The following FAM177A1 variants were observed in gnomAD, a reference collection of about 807,000 sequenced individuals.
FAM177A1 encodes the protein protein FAM177A1.
Under a neutral mutation model 26.1 loss-of-function variants are expected in FAM177A1, and 22 were observed. The ratio of observed to expected loss-of-function variants is 0.84; its 90% CI spans 0.60 to 1.20. The LOEUF is 1.20. Ranked by LOEUF, FAM177A1 falls within the 50% of genes most tolerant of loss-of-function variation. The pLI is 0.00. For synonymous variants in FAM177A1, 95 were observed against 99.3 expected, an observed-to-expected ratio of 0.96 and a Z score of 0.26; for missense variants, 296 against 291.1, an observed-to-expected ratio of 1.02 and a Z score of -0.12.
intron 2 of FAM177A1, among the ~76,000 whole-genome samples, chr14:35,064,751 C>T (rs141273883): frequency 2.2e-4 from 33 of 151,966 alleles, no homozygotes; most frequent in African/African-American, 7.2e-4. Flanking sequence ...CCCAGGTTCA[C>T]ACCATTCTCC....
chr14:35,078,737 G>T (rs2045433741), intron 3 of FAM177A1, among the ~76,000 whole-genome samples, 190 bp from the exon 4 acceptor site: 1 of 152,184 alleles, frequency 6.6e-6, no homozygotes, highest in African/African-American at 2.4e-5. Flanking sequence ...GACTTGTTGG[G>T]AGTTTTGAAG....
chr14:35,069,627 A>G (rs962788625), intron 2 of FAM177A1, among the ~76,000 whole-genome samples: 1 of 152,146 alleles, frequency 6.6e-6, no homozygotes, highest in Non-Finnish European at 1.5e-5. Context: ...ACCTGGCTTC[A>G]CTTAATGTTA....
chr14:35,068,422 G>C (rs118162908), intron 2 of FAM177A1, among the ~76,000 whole-genome samples: 2 of 152,312 alleles, frequency 1.3e-5, no homozygotes, highest in East Asian at 3.9e-4. Flanking sequence ...ACTTTGGCAT[G>C]TATGCACTGT....
At chr14:35,053,510 C>G in intron 2 of FAM177A1, 59 bp downstream of exon 2, 1 of 1,545,328 alleles carries the variant, frequency 6.5e-7, no homozygotes, top group African/African-American at 1.4e-5. Context: ...TATTTTTTTT[C>G]CCTAAACATT....
intron 2 of FAM177A1, among the ~76,000 whole-genome samples, chr14:35,054,477 C>G (rs2045028314): frequency 6.6e-6 from 1 of 151,976 alleles, no homozygotes. Flanking sequence ...ATTTTAGGTG[C>G]CGGTGATATA....
At chr14:35,064,947 G>C (rs553464779) in intron 2 of FAM177A1, among the ~76,000 whole-genome samples, 55 of 152,086 alleles carry the variant, frequency 3.6e-4, no homozygotes, top group African/African-American at 1.3e-3. Context: ...CAGATTACAG[G>C]CGTGAGCCAC....
Position 35,046,524 on chromosome 14 carries a change from G to T in FAM177A1, c.61G>T (p.Ala21Ser). ...CACCAGCGCCAGCAGCCCTGTGGTG[G>T]CGACGACGATGGACCAGGAGCCAGT... ...FLTSASSPVV[A>S]TTMDQEPVGG... is the part of the protein sequence containing the mutation. Residue 21 changes from alanine to serine, a missense_variant, in exon 1 of 5, where the codon GCG becomes TCG. Ala to Ser is a moderately conservative substitution (Grantham distance 99). Transcript: ENST00000280987. The T allele has an allele frequency of 3.7e-6, 6 of 1,603,664 alleles. No homozygotes were observed. The highest frequency in any genetic ancestry group is 5.1e-6 in the Non-Finnish European group (6 of 1,176,592).
At chr14:35,076,866 CAT>C (rs1220185521) in intron 2 of FAM177A1, among the ~76,000 whole-genome samples, 2 of 152,242 alleles carry the variant, frequency 1.3e-5, no homozygotes, top group Non-Finnish European at 2.9e-5. Flanking sequence ...ATTGTCAACT[CAT>C]AAAATAATCC....
chr14:35,061,462 AT>A (rs35073054), intron 2 of FAM177A1, among the ~76,000 whole-genome samples: 27,113 of 111,294 alleles, frequency 0.24, 3,266 homozygotes, highest in Non-Finnish European at 0.33. Flanking sequence ...AGCTTTAAGT[AT>A]TTTTTTTTTT....
chr14:35,077,514 C>A (rs1261034481), intron 3 of FAM177A1, among the ~76,000 whole-genome samples: 1 of 115,650 alleles, frequency 8.6e-6, no homozygotes, highest in East Asian at 2.6e-4. Context: ...CTCGCTCTGT[C>A]GCCCAGGCCG....
At chr14:35,077,728 C>T (rs1312922804) in intron 3 of FAM177A1, among the ~76,000 whole-genome samples, 9 of 150,404 alleles carry the variant, frequency 6.0e-5, no homozygotes, top group Admixed American at 1.3e-4. Context: ...ATGATCCACC[C>T]GCCTCGGCCT....
chr14:35,045,266 C>T (rs2044843540), upstream of FAM177A1: 1 of 152,122 alleles, frequency 6.6e-6, no homozygotes, highest in South Asian at 2.1e-4. Context: ...TATGGATTTC[C>T]AACTAGTTTT....
intron 4 of FAM177A1, 103 bp from the exon 5 acceptor site, chr14:35,080,912 CTTTTTTT>C (rs71435851): frequency 1.0e-5 from 11 of 1,079,656 alleles, no homozygotes; most frequent in South Asian, 5.4e-5. Flanking sequence ...GAACATGACA[CTTTTTTT>C]TTTTTTTTTT....
At chr14:35,051,683 G>A (rs575724530) in intron 1 of FAM177A1, among the ~76,000 whole-genome samples, 1 of 152,286 alleles carries the variant, frequency 6.6e-6, no homozygotes, top group African/African-American at 2.4e-5. Flanking sequence ...AAAGTGCTAG[G>A]ATTACAGGTA....
At chr14:35,072,369 T>A (rs1352044006) in intron 2 of FAM177A1, among the ~76,000 whole-genome samples, 1 of 152,144 alleles carries the variant, frequency 6.6e-6, no homozygotes, top group Non-Finnish European at 1.5e-5. Context: ...ATCATCATCA[T>A]AAGTCTTCTT....
At position 35,078,915 on chromosome 14, in the gene FAM177A1, T is replaced by C. The variant is rs770321512; in HGVS notation, c.407-12T>C. Reference sequence around the variant, plus strand: ...TAGAATTATATAAGTCTTTTAACTTTTGTATTTTCAGTGTGTGACTTCCTT... The same window carrying C: ...TAGAATTATATAAGTCTTTTAACTTCTGTATTTTCAGTGTGTGACTTCCTT... On this transcript the variant is annotated splice_polypyrimidine_tract_variant and intron_variant, in intron 3 of 4. Coordinates refer to ENST00000280987, the MANE Select transcript of FAM177A1 (RefSeq NM_173607.5). 7.9e-6 allele frequency: 12 copies of C among 1,514,266 alleles called. No homozygotes were observed. Among genetic ancestry groups the C allele is most frequent in the Non-Finnish European group, 1.1e-5 (12 of 1,142,180 alleles). 93.8% of individuals were successfully genotyped at this position (1,514,266 alleles called of 1,614,324 possible).
In FAM177A1 at chr14:35,077,327, C is replaced by T. The variant is rs927916231; in HGVS notation, c.406+111C>T. On this transcript the variant is annotated intron_variant, in intron 3 of 4. Coordinates refer to ENST00000280987, the MANE Select transcript of FAM177A1 (RefSeq NM_173607.5). The stretch of plus-strand genomic sequence containing the variant: ...GAAGGAGAAACAATAGGGAGTTAAT[C>T]ACTGTCCTCAAGAGCTAGCTAGCAT... The T allele has an allele frequency of 7.4e-6, 7 of 945,806 alleles. No individual in the cohort carries two copies. In the African/African-American group the frequency reaches 1.1e-4, roughly 15 times the overall value. The allele number at this position is 945,806 out of a possible 1,614,324, so 58.6% of individuals were successfully genotyped here. A position where few individuals can be genotyped will look rare whatever the true frequency, so the allele number is the denominator to read the frequency against.
chr14:35,076,913 A>G (rs1359064332), intron 2 of FAM177A1, among the ~76,000 whole-genome samples: 1 of 152,244 alleles, frequency 6.6e-6, no homozygotes, highest in East Asian at 1.9e-4. Context: ...CAGCGGCTGC[A>G]TCTTTTTTTG....
At chr14:35,052,034 TAGAGA>T (rs2044979721) in intron 1 of FAM177A1, among the ~76,000 whole-genome samples, 1 of 152,206 alleles carries the variant, frequency 6.6e-6, no homozygotes, top group African/African-American at 2.4e-5. Flanking sequence ...TGGACTATCC[TAGAGA>T]ATTCTACGAA....
Sources: allele counts gnomAD v4.1 joint callset (sites outside exome capture counted in the v4.1 genomes callset), GRCh38; gene constraint gnomAD v4.1.1; transcripts MANE v1.5; gene names NCBI Gene and HGNC (gene_info 2026-07-23, HGNC 2026-07-21).